FOCAD: variants seen among roughly 807,000 people sequenced by gnomAD.
FOCAD encodes KIAA1797.
Under a neutral mutation model 225.6 loss-of-function variants are expected in FOCAD, and 198 were observed. The ratio of observed to expected loss-of-function variants is 0.88; its 90% CI spans 0.78 to 0.99. The LOEUF (loss-of-function observed/expected upper bound fraction) is 0.99, where lower values mean the gene tolerates loss of function less well. Among genes scored for constraint, FOCAD ranks in the 50% least tolerant of loss-of-function variants. The probability of loss-of-function intolerance (pLI) is 0.00; values close to 1 mark genes in which losing one functional copy is unlikely to be tolerated. For synonymous variants in FOCAD, 897 were observed against 755.0 expected (o/e 1.19, Z -3.08); for missense variants, 2,713 against 2,123.6 (o/e 1.28, Z -5.46).
At chr9:20,951,361 C>G (rs1253186503) in intron 34 of FOCAD, among the ~76,000 whole-genome samples, 1 of 152,084 alleles carries the variant, frequency 6.6e-6, no homozygotes, top group Non-Finnish European at 1.5e-5. Flanking sequence ...CTCTCTGCCT[C>G]CCTTAGAGAA....
intron 21 of FOCAD, among the ~76,000 whole-genome samples, chr9:20,905,845 G>A (rs756804318): frequency 4.6e-5 from 7 of 151,578 alleles, no homozygotes; most frequent in African/African-American, 1.2e-4. Flanking sequence ...CACCCTGCTC[G>A]TTGTAGTACT....
rs552524354 is a variant in FOCAD at position 20,855,672 on chromosome 9, T to A, written c.1921-6906T>A. On this transcript the variant is annotated intron_variant, in intron 15 of 43. Transcript: ENST00000338382. ...ATTATTGTTAACTGTTGTCACTCTATTCTATCAAATGCTAGCCCTTATTCT... is the reference window on the plus strand; with the variant it reads ...ATTATTGTTAACTGTTGTCACTCTAATCTATCAAATGCTAGCCCTTATTCT... 9.8e-4 allele frequency among the ~76,000 whole-genome samples: 148 copies of A among 151,764 alleles called. 4 individuals are homozygous for A. The South Asian group carries it at 0.03, about 30-fold the overall frequency.
chr9:20,696,358 A>T (rs1026969359), intron 1 of FOCAD, among the ~76,000 whole-genome samples: 23 of 152,216 alleles, frequency 1.5e-4, no homozygotes, highest in African/African-American at 5.3e-4. Flanking sequence ...ACACAATGGT[A>T]ACAAGATGAG....
intron 15 of FOCAD, among the ~76,000 whole-genome samples, chr9:20,826,875 ATAAT>A (rs1194484647): frequency 6.6e-6 from 1 of 152,120 alleles, no homozygotes; most frequent in Admixed American, 6.5e-5. Flanking sequence ...TCAAAGGAAA[ATAAT>A]TAATGTTCCT....
intron 7 of FOCAD, 112 bp from the exon 8 acceptor site, chr9:20,769,920 A>C: frequency 1.1e-6 from 1 of 900,030 alleles, no homozygotes; most frequent in Non-Finnish European, 1.7e-6. Flanking sequence ...ATCTCCTTTA[A>C]GTCTTTATAG....
chr9:20,829,738 A>G (rs1027172187), intron 15 of FOCAD, among the ~76,000 whole-genome samples: 8 of 152,112 alleles, frequency 5.3e-5, no homozygotes, highest in African/African-American at 1.4e-4. Flanking sequence ...AGATGAACAT[A>G]TATCATGCTC....
chr9:20,838,136 G>A (rs796705732), intron 15 of FOCAD, among the ~76,000 whole-genome samples: 10 of 152,146 alleles, frequency 6.6e-5, no homozygotes, highest in African/African-American at 1.9e-4. Flanking sequence ...GTTTAGAAAC[G>A]TTATAGTTGA....
upstream of FOCAD, among the ~76,000 whole-genome samples, chr9:20,681,735 TA>T (rs1822403802): frequency 6.6e-6 from 1 of 152,190 alleles, no homozygotes; most frequent in African/African-American, 2.4e-5. Flanking sequence ...TTAGATTAAA[TA>T]AATTAAAAGG....
rs761610690 is a variant in FOCAD at position 20,862,671 on chromosome 9, T to C, written c.2014T>C (p.Ser672Pro). 1 of 1,613,364 alleles carries C rather than the reference T, an allele frequency of 6.2e-7. No individual in the cohort carries two copies. Among genetic ancestry groups the C allele is most frequent in the Non-Finnish European group, 8.5e-7 (1 of 1,179,494 alleles). Residue 672 changes from serine to proline, a missense_variant, in exon 16 of 44, where the codon TCT (serine) becomes CCT (proline). Coordinates refer to ENST00000338382, the MANE Select transcript of FOCAD (RefSeq NM_001375567.1). Reference protein sequence around the residue: ...LILKTLSELFSLVPSLTVNTT... With the variant: ...LILKTLSELFPLVPSLTVNTT... ...TCTGAAGACACTGAGTGAACTATTT[T>C]CTCTAGTTCCTTCCTTAACGGTCAA...
At chr9:20,873,326 T>C (rs186998065) in intron 18 of FOCAD, among the ~76,000 whole-genome samples, 81 of 152,238 alleles carry the variant, frequency 5.3e-4, no homozygotes, top group African/African-American at 1.7e-3. Context: ...CTAGGATTGT[T>C]TAGAATCTTT....
chr9:20,963,500 G>T (rs1411371215), intron 35 of FOCAD, among the ~76,000 whole-genome samples: 1 of 152,116 alleles, frequency 6.6e-6, no homozygotes, highest in Non-Finnish European at 1.5e-5. Flanking sequence ...AAAGTGCCTG[G>T]AAAAAATTTT....
intron 15 of FOCAD, among the ~76,000 whole-genome samples, chr9:20,846,119 C>T (rs1336969911): frequency 6.6e-6 from 1 of 152,068 alleles, no homozygotes; most frequent in Admixed American, 6.6e-5. Context: ...TAGAGTATGT[C>T]TGTTTCAGTC....
At chr9:20,681,359 G>C (rs930628166), upstream of FOCAD, among the ~76,000 whole-genome samples, 1 of 152,164 alleles carries the variant, frequency 6.6e-6, no homozygotes, top group African/African-American at 2.4e-5. Context: ...GCCTCCCAAA[G>C]TGCTGGGATT....
At chr9:20,671,375 C>G (rs924790848) in intron 2 of FOCAD, among the ~76,000 whole-genome samples, 58 of 152,132 alleles carry the variant, frequency 3.8e-4, no homozygotes, top group Admixed American at 3.5e-3. Context: ...ATTGTGTGGA[C>G]AATCCTGTTA....
chr9:20,783,711 A>T (rs1428064503), intron 10 of FOCAD, among the ~76,000 whole-genome samples: 3 of 152,122 alleles, frequency 2.0e-5, no homozygotes, highest in Non-Finnish European at 4.4e-5. Context: ...ATAAATAAAT[A>T]AATATTAAAA....
chr9:20,791,429 A>G (rs1239867002), intron 11 of FOCAD, among the ~76,000 whole-genome samples: 1 of 152,174 alleles, frequency 6.6e-6, no homozygotes, highest in African/African-American at 2.4e-5. Flanking sequence ...CAATGATCAA[A>G]TCAGGGTAAT....
At chr9:20,886,702 G>A (rs143644098) in intron 21 of FOCAD, among the ~76,000 whole-genome samples, 272 of 152,258 alleles carry the variant, frequency 1.8e-3, no homozygotes, top group African/African-American at 6.2e-3. Flanking sequence ...GTATTGGACA[G>A]AATTCTGCCA....
At chr9:20,720,955 T>C (rs1178827087) in intron 4 of FOCAD, among the ~76,000 whole-genome samples, 1 of 152,240 alleles carries the variant, frequency 6.6e-6, no homozygotes, top group Non-Finnish European at 1.5e-5. Flanking sequence ...ATGGCATTTA[T>C]TTCTCAAATA....
At chr9:20,663,332 G>C (rs1252794549) in intron 2 of FOCAD, among the ~76,000 whole-genome samples, 1 of 152,126 alleles carries the variant, frequency 6.6e-6, no homozygotes, top group Non-Finnish European at 1.5e-5. Context: ...ACTCCAGCCT[G>C]AGTGACAGGG....
Sources: allele counts gnomAD v4.1 joint callset (sites outside exome capture counted in the v4.1 genomes callset), GRCh38; gene constraint gnomAD v4.1.1; transcripts MANE v1.5; gene names NCBI Gene and HGNC (gene_info 2026-07-23, HGNC 2026-07-21).